The following MYO9A variants were observed in gnomAD, a reference collection of about 807,000 sequenced individuals.
MYO9A encodes the protein myosin IXA, also known as unconventional myosin-IXa.
A neutral mutation model predicts 293.3 loss-of-function variants in MYO9A; 103 were observed. The ratio of observed to expected loss-of-function variants is 0.35; its 90% CI spans 0.30 to 0.41. The LOEUF (loss-of-function observed/expected upper bound fraction) is 0.41, where lower values mean the gene tolerates loss of function less well. MYO9A is among the 10% of genes least tolerant of loss of function. MYO9A has a pLI of 1.00. For missense variants in MYO9A, 2,685 were observed against 3,033.0 expected, an observed-to-expected ratio of 0.89 and a Z score of 2.69; for synonymous variants, 1,001 against 1,035.7, an observed-to-expected ratio of 0.97 and a Z score of 0.64.
At chr15:72,087,932 AC>A (rs1170233190) in intron 1 of MYO9A, among the ~76,000 whole-genome samples, 1 of 152,192 alleles carries the variant, frequency 6.6e-6, no homozygotes, top group Admixed American at 6.5e-5. Context: ...TGGAGACAGG[AC>A]CTTTAAAGAA....
chr15:71,857,747 C>T (rs554110317), intron 34 of MYO9A, among the ~76,000 whole-genome samples: 3 of 151,372 alleles, frequency 2.0e-5, no homozygotes, highest in African/African-American at 7.3e-5. Context: ...TATAAAGGTA[C>T]ATGGAAAAAT....
intron 1 of MYO9A, among the ~76,000 whole-genome samples, chr15:72,104,313 A>C (rs771754452): frequency 1.3e-5 from 2 of 151,754 alleles, no homozygotes; most frequent in African/African-American, 4.9e-5. Flanking sequence ...TAGGTGTAAT[A>C]AATGCATTTT....
At chr15:71,944,435 A>C (rs964364398) in intron 15 of MYO9A, among the ~76,000 whole-genome samples, 1 of 152,110 alleles carries the variant, frequency 6.6e-6, no homozygotes, top group Non-Finnish European at 1.5e-5. Flanking sequence ...AGATTACAAA[A>C]ATTTGTTTCT....
At chr15:71,837,784 G>A (rs2055000858) in intron 39 of MYO9A, among the ~76,000 whole-genome samples, 1 of 152,068 alleles carries the variant, frequency 6.6e-6, no homozygotes, top group Non-Finnish European at 1.5e-5. Flanking sequence ...TTAGAAACAT[G>A]AGAAAATACT....
At chr15:71,923,311 CAG>C (rs1375315000) in intron 18 of MYO9A, among the ~76,000 whole-genome samples, 1 of 152,150 alleles carries the variant, frequency 6.6e-6, no homozygotes, top group African/African-American at 2.4e-5. Context: ...CATGTTCAAT[CAG>C]AGACACTGTC....
At chr15:72,091,065 G>C (rs1304314923) in intron 1 of MYO9A, among the ~76,000 whole-genome samples, 1 of 151,596 alleles carries the variant, frequency 6.6e-6, no homozygotes, top group East Asian at 1.9e-4. Flanking sequence ...CAGGCATGGT[G>C]GCTCATACCT....
At chr15:71,933,911 T>C (rs1401209016) in intron 17 of MYO9A, among the ~76,000 whole-genome samples, 1 of 152,118 alleles carries the variant, frequency 6.6e-6, no homozygotes, top group Non-Finnish European at 1.5e-5. Flanking sequence ...AAGGAAAAGA[T>C]ACCTGCCTTG....
At chr15:72,090,219 T>C (rs940259214) in intron 1 of MYO9A, among the ~76,000 whole-genome samples, 1 of 152,226 alleles carries the variant, frequency 6.6e-6, no homozygotes, top group African/African-American at 2.4e-5. Flanking sequence ...CTCTTTAAGC[T>C]TCTCTAAGCT....
At chr15:71,874,569 A>G (rs1274901410) in intron 32 of MYO9A, among the ~76,000 whole-genome samples, 3 of 152,242 alleles carry the variant, frequency 2.0e-5, no homozygotes, top group African/African-American at 4.8e-5. Flanking sequence ...GAGAAAGGAT[A>G]TGATTTGATT....
rs904214326 is a variant in MYO9A, at chr15:71,898,059, A to C, written c.4444T>G (p.Ser1482Ala). ...DQIVPSLNTE[S>A]SNPVLKKLEK... ...AACTTCTTAAGCACAGGATTAGAAG[A>C]CTCTGTATTCAAAGAAGGAACAATC... The change falls in exon 25 of 42, where the codon TCT (serine) becomes GCT (alanine). Residue 1482 changes from serine (S) to alanine (A), a missense_variant. By Grantham distance (99) the Ser-to-Ala change is moderately conservative (BLOSUM62 1). Transcript: ENST00000356056. 6 of 1,613,876 alleles carry C rather than the reference A, an allele frequency of 3.7e-6. No homozygotes were observed. The highest frequency in any genetic ancestry group is 5.1e-6 in the Non-Finnish European group (6 of 1,180,016).
chr15:72,033,300 A>G (rs2149445122), intron 2 of MYO9A, among the ~76,000 whole-genome samples: 1 of 152,358 alleles, frequency 6.6e-6, no homozygotes, highest in East Asian at 1.9e-4. Context: ...GAGTTAGGAA[A>G]ATAATAATTA....
chr15:71,984,470 TG>T (rs2076359011), intron 11 of MYO9A, among the ~76,000 whole-genome samples: 2 of 152,208 alleles, frequency 1.3e-5, no homozygotes, highest in African/African-American at 4.8e-5. Context: ...TTGTTGGGTT[TG>T]TTTTTTTGTT....
chr15:71,967,472 GAA>G (rs2075906399), intron 13 of MYO9A, among the ~76,000 whole-genome samples: 1 of 152,124 alleles, frequency 6.6e-6, no homozygotes, highest in African/African-American at 2.4e-5. Flanking sequence ...CCTTACCTGG[GAA>G]ATTAAATGCC....
At chr15:72,065,306 G>A (rs558951027) in intron 1 of MYO9A, among the ~76,000 whole-genome samples, 10 of 152,000 alleles carry the variant, frequency 6.6e-5, no homozygotes, top group South Asian at 6.2e-4. Flanking sequence ...ACCTGAGGTC[G>A]GGAGTTCAAG....
chr15:71,932,503 TG>T (rs1402781574), intron 18 of MYO9A, among the ~76,000 whole-genome samples: 2 of 151,782 alleles, frequency 1.3e-5, no homozygotes, highest in African/African-American at 4.8e-5. Context: ...CAGGAAACGC[TG>T]GAACTCACAG....
intron 1 of MYO9A, among the ~76,000 whole-genome samples, chr15:72,058,217 G>A (rs777604515): frequency 1.3e-5 from 2 of 152,146 alleles, no homozygotes; most frequent in Non-Finnish European, 2.9e-5. Flanking sequence ...CAACCATGCA[G>A]AAATATGGAA....
intron 31 of MYO9A, among the ~76,000 whole-genome samples, chr15:71,876,838 T>TG (rs2056709977): frequency 6.6e-6 from 1 of 152,150 alleles, no homozygotes. Flanking sequence ...ACGGAAAAAC[T>TG]CTTTTCCATA....
intron 33 of MYO9A, among the ~76,000 whole-genome samples, chr15:71,859,999 C>G (rs1246552311): frequency 4.6e-5 from 7 of 152,072 alleles, no homozygotes; most frequent in Non-Finnish European, 8.8e-5. Context: ...AAAACATGAT[C>G]AAAATTTCTA....
chr15:71,924,363 TCCTGAGTAGCTGGGA>T lies in MYO9A; in HGVS notation c.2563-7886_2563-7872del, dbSNP rs962232193. Among the ~76,000 whole-genome samples the T allele has an allele frequency of 5.9e-5, 9 of 152,190 alleles. No homozygotes were observed. The South Asian group carries it at 1.9e-3, about 32-fold the overall frequency. ...TTCAAGCCATTCTCCTGCCTCAGCCTCCTGAGTAGCTGGGAATACAGGCGCCTGCCACCATGCCTG... is the reference window on the plus strand; with the variant it reads ...TTCAAGCCATTCTCCTGCCTCAGCCTATACAGGCGCCTGCCACCATGCCTG... On this transcript the variant is annotated intron_variant, in intron 18 of 41. Transcript: ENST00000356056.
Sources: gnomAD v4.1 joint callset for allele counts (sites outside exome capture counted in the v4.1 genomes callset) on GRCh38, gnomAD v4.1.1 for gene constraint, MANE v1.5 for transcripts, NCBI Gene and HGNC (gene_info 2026-07-23, HGNC 2026-07-21) for gene names.